Variants in TBC1D31 observed in about 807,000 individuals in gnomAD.
TBC1D31 encodes WD repeat domain 67.
A neutral mutation model predicts 132.9 loss-of-function variants in TBC1D31; 99 were observed. The observed-to-expected ratio is 0.74, with a 90% CI of 0.63 to 0.88. TBC1D31 has a LOEUF of 0.88. TBC1D31 is among the 40% of genes least tolerant of loss of function. The pLI is 0.00. For synonymous variants in TBC1D31, 385 were observed against 419.4 expected (o/e 0.92, Z 1.00); for missense variants, 1,134 against 1,256.6 (o/e 0.90, Z 1.48).
chr8:123,157,708 G>GGT, the TBC1D31 span, among the ~76,000 whole-genome samples: 1 of 106,396 alleles, frequency 9.4e-6, no homozygotes, highest in Admixed American at 9.0e-5. Flanking sequence ...AACACACACG[G>GGT]GCGCGCGCGC....
intron 13 of TBC1D31, among the ~76,000 whole-genome samples, chr8:123,127,363 C>T (rs1034724914): frequency 1.9e-4 from 29 of 149,312 alleles, no homozygotes; most frequent in African/African-American, 5.7e-4. Context: ...CTCTGCCTCC[C>T]GGGTTCAAGA....
intron 4 of TBC1D31, among the ~76,000 whole-genome samples, chr8:123,092,828 T>TTTTTTTTTTTG (rs1221760019): frequency 2.0e-5 from 3 of 149,460 alleles, no homozygotes; most frequent in African/African-American, 5.0e-5. Context: ...TTTTTTTTTT[T>TTTTTTTTTTTG]TGAGACGAAG....
At chr8:123,102,225 C>G (rs1817498777) in intron 7 of TBC1D31, 1 of 456,702 alleles carries the variant, frequency 2.2e-6, no homozygotes, top group South Asian at 1.5e-5. Context: ...ATCACCTGGT[C>G]TAACCCTTTC....
At chr8:123,073,368 A>G (rs1814112645) in intron 1 of TBC1D31, 4 of 456,240 alleles carry the variant, frequency 8.8e-6, no homozygotes, top group Non-Finnish European at 1.3e-5. Context: ...GCACGCCTCT[A>G]AGCGCTGGGG....
chr8:123,081,327 A>G (rs1815123675), intron 2 of TBC1D31, among the ~76,000 whole-genome samples: 1 of 152,192 alleles, frequency 6.6e-6, no homozygotes, highest in African/African-American at 2.4e-5. Context: ...TCTGCCATGT[A>G]AACACTGTTG....
At chr8:123,105,186 A>G (rs1445858560) in intron 7 of TBC1D31, 102 bp from the exon 8 acceptor site, 2 of 815,776 alleles carry the variant, frequency 2.5e-6, no homozygotes, top group Non-Finnish European at 3.4e-6. Context: ...AATTCTACAT[A>G]TTAAGGCATG....
At chr8:123,150,294 T>A (rs976934270) in intron 21 of TBC1D31, among the ~76,000 whole-genome samples, 166 bp downstream of exon 21, 3 of 152,158 alleles carry the variant, frequency 2.0e-5, no homozygotes, top group Non-Finnish European at 4.4e-5. Flanking sequence ...GATTCCTCAG[T>A]GGGAGAACTG....
intron 4 of TBC1D31, among the ~76,000 whole-genome samples, chr8:123,090,940 CAAAAT>C (rs1245458576): frequency 6.6e-6 from 1 of 151,456 alleles, no homozygotes; most frequent in Non-Finnish European, 1.5e-5. Flanking sequence ...GACTCTGTCT[CAAAAT>C]AAATAAATAA....
chr8:123,160,466 A>T, the TBC1D31 span, among the ~76,000 whole-genome samples: 1 of 151,682 alleles, frequency 6.6e-6, no homozygotes, highest in Non-Finnish European at 1.5e-5. Context: ...AGAAGGAGAA[A>T]GAGAGAGAGA....
chr8:123,077,243 C>G lies in TBC1D31; in HGVS notation c.210C>G (p.Asp70Glu), dbSNP rs61753517. The G allele has an allele frequency of 5.8e-3, 9,317 of 1,610,932 alleles. 35 individuals are homozygous for G. Among genetic ancestry groups the G allele is most frequent in the Non-Finnish European group, 7.2e-3 (8,446 of 1,178,912 alleles). ...GDHQGNIYVF[D>E]LHGNRFNLVQ... is the part of the protein sequence containing the mutation. ...ACCAAGGAAATATTTATGTTTTTGA[C>G]TTACATGGAAACAGGTAAGCAGATA... The change falls in exon 2 of 22, where the codon GAC becomes GAG. Residue 70 changes from aspartate (D) to glutamate (E), a missense_variant. By Grantham distance (45) the Asp-to-Glu change is conservative. Transcript: ENST00000287380.
chr8:123,098,837 T>G (rs567243276), intron 6 of TBC1D31, among the ~76,000 whole-genome samples: 3 of 152,210 alleles, frequency 2.0e-5, no homozygotes, highest in Non-Finnish European at 4.4e-5. Flanking sequence ...ATCTGTAATT[T>G]GGGTAGATCT....
At position 123,097,325 on chromosome 8, in the gene TBC1D31, C is replaced by T. The variant is rs1185711371; in HGVS notation, c.715C>T (p.His239Tyr). ...TGCTGGAGGCAAGTCAAATCATCTT[C>T]ATTTGTGGTGCTTGGAAGCTAGGCA... ...LAAGGKSNHL[H>Y]LWCLEARQLF... The change falls in exon 6 of 22, where the codon CAT becomes TAT. Residue 239 changes from histidine (H) to tyrosine (Y), a missense_variant. Transcript: ENST00000287380. The T allele has an allele frequency of 6.2e-7, 1 of 1,614,066 alleles. No homozygotes were observed. The highest frequency in any genetic ancestry group is 8.5e-7 in the Non-Finnish European group (1 of 1,180,042).
Position 123,077,108 on chromosome 8 carries a change from C to T in TBC1D31, c.78-3C>T, listed in dbSNP as rs1469738737. The T allele has an allele frequency of 1.3e-6, 2 of 1,560,894 alleles. No homozygotes were observed. The highest frequency in any genetic ancestry group is 2.8e-5 in the African/African-American group (2 of 71,530). ...TCAATGTTTGGGTTTTTTTCTTTGA[C>T]AGAATTATAGTGAACATTATTCACA... On this transcript the variant is annotated splice_polypyrimidine_tract_variant and splice_region_variant and intron_variant, in intron 1 of 21. Transcript: ENST00000287380.
rs1164677482 is a variant in TBC1D31, at chr8:123,104,960, A to T, written c.1033-328A>T. Among the ~76,000 whole-genome samples the T allele has an allele frequency of 3.9e-5, 6 of 152,174 alleles. No individual in the cohort carries two copies. In the South Asian group the frequency reaches 1.2e-3, roughly 31 times the overall value. ...TCTAACTGTACCTTTTTTGCTGTAG[A>T]TAATAATCACCATACTAACTTTACC... On this transcript the variant is annotated intron_variant, in intron 7 of 21. Transcript: ENST00000287380.
Position 123,100,952 on chromosome 8 carries a change from A to G in TBC1D31, c.977A>G (p.Glu326Gly), listed in dbSNP as rs752860104. Residue 326 changes from glutamate (E) to glycine (G), a missense_variant, in exon 7 of 22, where the codon GAA becomes GGA. Glu to Gly is a moderately conservative substitution (Grantham distance 98, BLOSUM62 -2). Coordinates refer to ENST00000287380, the MANE Select transcript of TBC1D31 (RefSeq NM_145647.4). ...PHGRYIASIM[E>G]NGSLNIYSVQ... Reference sequence around the variant, plus strand: ...GGACGGTACATTGCATCTATTATGGAAAATGGAAGTCTAAACATATATTCA... The same window carrying G: ...GGACGGTACATTGCATCTATTATGGGAAATGGAAGTCTAAACATATATTCA... 3.1e-6 allele frequency: 5 copies of G among 1,614,004 alleles called. No homozygotes were observed. The highest frequency in any genetic ancestry group is 4.2e-6 in the Non-Finnish European group (5 of 1,179,924).
chr8:123,080,529 C>CTTTTTTTTTTTT (rs57694076), intron 2 of TBC1D31, among the ~76,000 whole-genome samples: 2 of 76,320 alleles, frequency 2.6e-5, no homozygotes, highest in Admixed American at 1.7e-4. Flanking sequence ...TTCTTTTATT[C>CTTTTTTTTTTTT]TTTTTTTTTT....
intron 8 of TBC1D31, among the ~76,000 whole-genome samples, chr8:123,106,236 A>G (rs1817910831): frequency 6.6e-6 from 1 of 152,202 alleles, no homozygotes; most frequent in Non-Finnish European, 1.5e-5. Flanking sequence ...TTTAAATTGC[A>G]CACCGTTCTG....
intron 17 of TBC1D31, among the ~76,000 whole-genome samples, chr8:123,137,242 C>T (rs1399662641): frequency 2.6e-5 from 4 of 152,150 alleles, no homozygotes; most frequent in Admixed American, 2.6e-4. Context: ...ATCTGTCTTT[C>T]ACATGTATGT....
the TBC1D31 span, among the ~76,000 whole-genome samples, chr8:123,159,873 A>C: frequency 5.9e-5 from 9 of 151,986 alleles, no homozygotes; most frequent in East Asian, 1.7e-3. Flanking sequence ...TGAGAGGAAG[A>C]CTCTTTTTAA....
Sources: gnomAD v4.1 joint callset for allele counts (sites outside exome capture counted in the v4.1 genomes callset) on GRCh38, gnomAD v4.1.1 for gene constraint, MANE v1.5 for transcripts, NCBI Gene and HGNC (gene_info 2026-07-23, HGNC 2026-07-21) for gene names.